VCAN: variants seen among roughly 807,000 people sequenced by gnomAD.
VCAN encodes versican core protein.
In VCAN, 44 loss-of-function variants were observed where a neutral mutation model predicts 245.5. That is an observed-to-expected ratio of 0.18 (90% CI 0.14 to 0.23). VCAN has a LOEUF of 0.23. VCAN is among the 10% of genes least tolerant of loss of function. The pLI, the probability that VCAN is intolerant of heterozygous loss-of-function variation, is 1.00. For synonymous variants in VCAN, 1,413 were observed against 1,437.0 expected (o/e 0.98, Z 0.38); for missense variants, 3,793 against 4,057.9 (o/e 0.93, Z 1.77).
Position 83,571,566 on chromosome 5 carries a change from C to T in VCAN, c.9736-850C>T, listed in dbSNP as rs530477792. ...GCTCAGAGTAGGATATATATATATA[C>T]GTGTATATATAAAGGTAACCAGCAG... On this transcript the variant is annotated intron_variant, in intron 12 of 14. Coordinates refer to ENST00000265077, the MANE Select transcript of VCAN (RefSeq NM_004385.5). Among the ~76,000 whole-genome samples the T allele has an allele frequency of 5.9e-5, 9 of 151,730 alleles. No individual in the cohort carries two copies. The South Asian group carries it at 8.3e-4, about 14-fold the overall frequency.
chr5:83,568,215 G>T (rs896471442), intron 12 of VCAN, among the ~76,000 whole-genome samples: 5 of 152,068 alleles, frequency 3.3e-5, no homozygotes, highest in Admixed American at 6.6e-5. Flanking sequence ...AAGTTGTTAA[G>T]AAAACTGGAG....
In VCAN at chr5:83,540,855, C is replaced by G. The variant is rs748740023; in HGVS notation, c.7852C>G (p.Gln2618Glu). 21 of 1,613,846 alleles carry G rather than the reference C, an allele frequency of 1.3e-5. No homozygotes were observed. The highest frequency in any genetic ancestry group is 1.7e-5 in the Non-Finnish European group (20 of 1,179,988). Residue 2618 changes from glutamine to glutamate, a missense_variant, in exon 8 of 15, where the codon CAA becomes GAA. This residue lies in a region of VCAN where 3,182 missense variants were observed against 3,250.3 expected (regional missense o/e 0.98). Transcript: ENST00000265077. Reference protein sequence around the residue: ...SNDESNDDSTQVQEIYEAAVN... With the variant: ...SNDESNDDSTEVQEIYEAAVN... ...TGATGAAAGTAATGATGACAGCACT[C>G]AAGTTCAAGAGATCTATGAGGCAGC...
intron 1 of VCAN, among the ~76,000 whole-genome samples, chr5:83,479,977 A>G (rs145977838): frequency 1.1e-3 from 165 of 152,332 alleles, no homozygotes; most frequent in African/African-American, 3.8e-3. Context: ...GGCCTTGAGC[A>G]CACAGACTTA....
In VCAN at chr5:83,537,221, A is replaced by T; in HGVS notation, c.4218A>T (p.Pro1406=). 1 of 1,613,792 alleles carries T rather than the reference A, an allele frequency of 6.2e-7. No individual in the cohort carries two copies. The change falls in exon 8 of 15, where the codon CCA becomes CCT. Residue 1406 remains proline (P), a synonymous_variant. Coordinates refer to ENST00000265077, the MANE Select transcript of VCAN (RefSeq NM_004385.5). ...ATGCTACTGATGTGACAACCACCCC[A>T]TCTGTGCAGTACATAAATGGGAAGC... ...CANATDVTTT[P]SVQYINGKHL...
chr5:83,477,641 T>C (rs1465657598), intron 1 of VCAN, among the ~76,000 whole-genome samples: 1 of 152,118 alleles, frequency 6.6e-6, no homozygotes, highest in African/African-American at 2.4e-5. Context: ...TACTGATAGG[T>C]CTGACTAAGT....
chr5:83,554,917 A>C (rs1179475330), intron 11 of VCAN, 39 bp from the exon 12 acceptor site: 1 of 1,574,990 alleles, frequency 6.3e-7, no homozygotes, highest in South Asian at 1.1e-5. Context: ...CATATATGGA[A>C]AAGTAGTACA....
chr5:83,486,935 T>C (rs1353299643), intron 2 of VCAN, among the ~76,000 whole-genome samples: 1 of 152,232 alleles, frequency 6.6e-6, no homozygotes, highest in Non-Finnish European at 1.5e-5. Flanking sequence ...TACTTTCATC[T>C]TAAGGTTTTT....
chr5:83,481,354 T>G (rs1393573938), intron 1 of VCAN, among the ~76,000 whole-genome samples: 3 of 152,088 alleles, frequency 2.0e-5, no homozygotes, highest in Non-Finnish European at 4.4e-5. Flanking sequence ...GGTTTCTTAT[T>G]TGGATTCAGC....
chr5:83,553,096 C>A (rs185780007), intron 10 of VCAN, among the ~76,000 whole-genome samples: 10 of 152,292 alleles, frequency 6.6e-5, no homozygotes, highest in African/African-American at 2.4e-4. Flanking sequence ...TTGGCTGGCC[C>A]CTCTTCCAGT....
chr5:83,573,325 G>T (rs931219370), intron 13 of VCAN, among the ~76,000 whole-genome samples: 1 of 152,012 alleles, frequency 6.6e-6, no homozygotes, highest in Non-Finnish European at 1.5e-5. Flanking sequence ...GGTACCATGT[G>T]GCCCATATTC....
rs376536495 is a variant in VCAN at position 83,542,226 on chromosome 5, A to G, written c.9223A>G (p.Ile3075Val). ...TSNETDFLIG[I>V]NEESVEGTAI... The stretch of plus-strand genomic sequence containing the variant: ...TAATGAAACAGATTTCCTGATTGGC[A>G]TTAATGAAGAGTCAGTGGAAGGCAC... Residue 3075 changes from isoleucine to valine, a missense_variant, in exon 8 of 15, where the codon ATT becomes GTT. Coordinates refer to ENST00000265077, the MANE Select transcript of VCAN (RefSeq NM_004385.5). 3 of 1,613,984 alleles carry G rather than the reference A, an allele frequency of 1.9e-6. No individual in the cohort carries two copies. Among genetic ancestry groups the G allele is most frequent in the East Asian group, 2.2e-5 (1 of 44,872 alleles).
At position 83,539,148 on chromosome 5, in the gene VCAN, G is replaced by T. The variant is rs776318267; in HGVS notation, c.6145G>T (p.Gly2049Cys). Reference protein sequence around the residue: ...SIIDEGLGEVGTVNEIDRRST... With the variant: ...SIIDEGLGEVCTVNEIDRRST... ...TATCGACGAAGGATTGGGAGAAGTG[G>T]GTACTGTCAATGAAATTGATAGAAG... The change falls in exon 8 of 15, where the codon GGT becomes TGT. Residue 2049 changes from glycine to cysteine, a missense_variant. Coordinates refer to ENST00000265077, the MANE Select transcript of VCAN (RefSeq NM_004385.5). The T allele has an allele frequency of 6.2e-7, 1 of 1,613,946 alleles. No homozygotes were observed. Among genetic ancestry groups the T allele is most frequent in the South Asian group, 1.1e-5 (1 of 91,078 alleles).
At chr5:83,504,374 A>G (rs954944039) in intron 5 of VCAN, among the ~76,000 whole-genome samples, 2 of 150,958 alleles carry the variant, frequency 1.3e-5, no homozygotes, top group African/African-American at 2.4e-5. Context: ...ATATGTATAT[A>G]CCTTGATGAA....
At chr5:83,579,074 A>C (rs546580062) in intron 13 of VCAN, among the ~76,000 whole-genome samples, 2 of 152,250 alleles carry the variant, frequency 1.3e-5, no homozygotes, top group East Asian at 3.9e-4. Flanking sequence ...TCATTAAGGT[A>C]TTTATGAAAC....
At chr5:83,523,128 CTGTT>C (rs1282270446) in intron 7 of VCAN, among the ~76,000 whole-genome samples, 1 of 152,126 alleles carries the variant, frequency 6.6e-6, no homozygotes, top group Non-Finnish European at 1.5e-5. Flanking sequence ...CTCTTAAAAG[CTGTT>C]TGTTTACATT....
In VCAN at chr5:83,563,918, A is replaced by C. The variant is rs75158185; in HGVS notation, c.9736-8498A>C. Among the ~76,000 whole-genome samples, 721 of 152,278 alleles carry C rather than the reference A, an allele frequency of 4.7e-3. 6 individuals carry two copies. The highest frequency in any genetic ancestry group is 0.017 in the African/African-American group (698 of 41,556). ...CCTAAGGATTTTAGGTGGATGTTGC[A>C]CATTTGGCTTTGGTTCTGATGCAAT... On this transcript the variant is annotated intron_variant, in intron 12 of 14. Transcript: ENST00000265077.
intron 10 of VCAN, among the ~76,000 whole-genome samples, chr5:83,551,507 A>G (rs991829505): frequency 6.6e-6 from 1 of 152,034 alleles, no homozygotes; most frequent in South Asian, 2.1e-4. Context: ...GCGAGACTCC[A>G]CCACAAAAAA....
rs1746785051 is a variant in VCAN, at chr5:83,537,806, T to C, written c.4803T>C (p.Val1601=). Residue 1601 remains valine (V), a synonymous_variant, in exon 8 of 15, where the codon GTT becomes GTC. Transcript: ENST00000265077. ...CATATGTTTCAGAGGAAGAAGCAGT[T>C]ACCCTAATAGGAAATCCTTGGCCAG... ...ASAYVSEEEA[V]TLIGNPWPDD... 1 of 1,613,910 alleles carries C rather than the reference T, an allele frequency of 6.2e-7. No homozygotes were observed. The highest frequency in any genetic ancestry group is 1.7e-5 in the Admixed American group (1 of 59,942).
rs781121274 is a variant in VCAN at position 83,521,743 on chromosome 5, G to A, written c.3437G>A (p.Ser1146Asn). The A allele has an allele frequency of 2.2e-5, 36 of 1,613,942 alleles. No individual in the cohort carries two copies. Among genetic ancestry groups the A allele is most frequent in the Admixed American group, 6.7e-5 (4 of 59,976 alleles). The change falls in exon 7 of 15, where the codon AGT becomes AAT. Residue 1146 changes from serine to asparagine, a missense_variant. Ser to Asn is a conservative substitution (Grantham distance 46). Transcript: ENST00000265077. The stretch of plus-strand genomic sequence containing the variant: ...CAAAAATATGAAACAGAAGGTAGTA[G>A]TACAACAGGATTTACATCATCTTTG... ...PEQKYETEGS[S>N]TTGFTSSLSP...
Sources: allele counts gnomAD v4.1 joint callset (sites outside exome capture counted in the v4.1 genomes callset), GRCh38; gene constraint gnomAD v4.1.1; regional missense constraint gnomAD v4.1.1; transcripts MANE v1.5; gene names NCBI Gene and HGNC (gene_info 2026-07-23, HGNC 2026-07-21).